COL24A1: variants seen among roughly 807,000 people sequenced by gnomAD.
The protein encoded by COL24A1 is collagen alpha-1(XXIV) chain.
COL24A1 carries 224 observed loss-of-function variants against 253.9 expected under a neutral mutation model. The observed-to-expected ratio is 0.88, with a 90% CI of 0.79 to 0.99. The LOEUF is 0.99. COL24A1 is among the 50% of genes least tolerant of loss of function. The pLI, the probability that COL24A1 is intolerant of heterozygous loss-of-function variation, is 0.00. For synonymous variants in COL24A1, 685 were observed against 673.7 expected (o/e 1.02, Z -0.26); for missense variants, 2,131 against 2,068.5 (o/e 1.03, Z -0.59).
At chr1:85,805,179 C>T (rs1436038364) in intron 47 of COL24A1, among the ~76,000 whole-genome samples, 1 of 152,064 alleles carries the variant, frequency 6.6e-6, no homozygotes, top group Non-Finnish European at 1.5e-5. Flanking sequence ...AGATGTATTC[C>T]CTGTAACATC....
At chr1:85,855,801 A>C (rs1678371809) in intron 37 of COL24A1, among the ~76,000 whole-genome samples, 1 of 152,184 alleles carries the variant, frequency 6.6e-6, no homozygotes, top group South Asian at 2.1e-4. Flanking sequence ...GCTCTGGTAG[A>C]TTATGGCTGT....
At chr1:86,015,445 G>A (rs146429447) in intron 19 of COL24A1, among the ~76,000 whole-genome samples, 20 of 152,246 alleles carry the variant, frequency 1.3e-4, no homozygotes, top group Middle Eastern at 6.8e-3. Flanking sequence ...ATCTTTAGAA[G>A]ACCAAGTAGT....
chr1:85,841,497 A>T (rs994390031), intron 41 of COL24A1, among the ~76,000 whole-genome samples: 2 of 152,230 alleles, frequency 1.3e-5, no homozygotes, highest in African/African-American at 4.8e-5. Context: ...TTAATTATAT[A>T]AGAAGCAGCT....
At chr1:86,083,788 C>T (rs1173601343) in intron 7 of COL24A1, among the ~76,000 whole-genome samples, 2 of 152,124 alleles carry the variant, frequency 1.3e-5, no homozygotes, top group South Asian at 2.1e-4. Context: ...TTAAGAGCAA[C>T]ATTTTCATTC....
At chr1:86,100,361 T>C (rs1704341424) in intron 5 of COL24A1, among the ~76,000 whole-genome samples, 1 of 152,220 alleles carries the variant, frequency 6.6e-6, no homozygotes, top group African/African-American at 2.4e-5. Flanking sequence ...ACTATTTTGT[T>C]ATCCTGAAGT....
intron 1 of COL24A1, 31 bp downstream of exon 1, chr1:86,156,310 C>T: frequency 1.2e-6 from 2 of 1,605,236 alleles, no homozygotes; most frequent in East Asian, 2.3e-5. Context: ...TTGGTCTAAC[C>T]CCTACCCTAC....
chr1:85,945,001 TG>T (rs772009713), intron 24 of COL24A1, among the ~76,000 whole-genome samples: 778 of 55,994 alleles, frequency 0.014, 30 homozygotes, highest in Non-Finnish European at 0.016. Flanking sequence ...TCTATCATTG[TG>T]TTTTTTTTTT....
intron 7 of COL24A1, among the ~76,000 whole-genome samples, chr1:86,072,674 C>T (rs1252371635): frequency 5.3e-5 from 8 of 152,144 alleles, no homozygotes; most frequent in Non-Finnish European, 1.0e-4. Flanking sequence ...CCCTGACCCC[C>T]GTGCCTCGTG....
chr1:85,743,896 G>A (rs143514484), intron 57 of COL24A1, among the ~76,000 whole-genome samples: 12 of 152,200 alleles, frequency 7.9e-5, no homozygotes, highest in South Asian at 4.1e-4. Flanking sequence ...GTGTATGTGC[G>A]TGTTTGTGTG....
intron 5 of COL24A1, among the ~76,000 whole-genome samples, chr1:86,095,658 A>G (rs1209148801): frequency 6.6e-6 from 1 of 152,050 alleles, no homozygotes; most frequent in Non-Finnish European, 1.5e-5. Context: ...AGTTTTTCAA[A>G]TCCCCTTTGG....
chr1:85,950,484 T>TGAATTTTA, intron 24 of COL24A1, among the ~76,000 whole-genome samples: 1 of 152,178 alleles, frequency 6.6e-6, no homozygotes, highest in Admixed American at 6.5e-5. Context: ...GGGGGTGAAT[T>TGAATTTTA]GAATTTTAGA....
chr1:86,097,556 C>CT (rs1557610195), intron 5 of COL24A1, among the ~76,000 whole-genome samples: 7 of 7,206 alleles, frequency 9.7e-4, no homozygotes, highest in Non-Finnish European at 2.0e-3. Context: ...CCCTCCTCCT[C>CT]CCTTCTCCTC....
At chr1:85,813,532 C>CTTTTTTTTTTTTTTT (rs765607746) in intron 47 of COL24A1, among the ~76,000 whole-genome samples, 1 of 76,244 alleles carries the variant, frequency 1.3e-5, no homozygotes, top group South Asian at 4.9e-4. Context: ...TCATTCAGGT[C>CTTTTTTTTTTTTTTT]TTTTTTTTTT....
At chr1:86,067,853 T>G (rs1701603632) in intron 7 of COL24A1, among the ~76,000 whole-genome samples, 1 of 152,206 alleles carries the variant, frequency 6.6e-6, no homozygotes, top group Non-Finnish European at 1.5e-5. Context: ...AAACTAGTAT[T>G]TGAGTCATTA....
chr1:86,143,747 A>G (rs1651482823), intron 2 of COL24A1, among the ~76,000 whole-genome samples: 1 of 152,062 alleles, frequency 6.6e-6, no homozygotes, highest in Admixed American at 6.5e-5. Context: ...GCTTTTTGCT[A>G]TATGTTTTGT....
chr1:85,768,593 GA>G lies in COL24A1; in HGVS notation c.4375-7028del, dbSNP rs201399769. Among the ~76,000 whole-genome samples the G allele has an allele frequency of 3.5e-4, 49 of 141,782 alleles. 1 individual carries two copies. The highest frequency in any genetic ancestry group is 8.4e-4 in the African/African-American group (33 of 39,512). The allele number at this position is 141,782 out of a possible 152,430, so 93.0% of individuals were successfully genotyped here. A position where few individuals can be genotyped will look rare whatever the true frequency, so the allele number is the denominator to read the frequency against. On this transcript the variant is annotated intron_variant, in intron 53 of 59. Coordinates refer to ENST00000370571, the MANE Select transcript of COL24A1 (RefSeq NM_152890.7). The stretch of plus-strand genomic sequence containing the variant: ...CTTTGTTAGTTCTTTTGTGCGGGGG[GA>G]GGGCTTATTTCTTTTTCTTTTATGT...
chr1:85,758,506 C>G (rs1327492103), intron 55 of COL24A1, among the ~76,000 whole-genome samples: 1 of 152,120 alleles, frequency 6.6e-6, no homozygotes, highest in African/African-American at 2.4e-5. Flanking sequence ...TTTCTAAATA[C>G]CTTACCATAC....
At chr1:86,111,470 AG>A (rs2102150136) in intron 5 of COL24A1, among the ~76,000 whole-genome samples, 1 of 152,308 alleles carries the variant, frequency 6.6e-6, no homozygotes, top group East Asian at 1.9e-4. Context: ...TGCACCAATC[AG>A]CACTCTGTGT....
At chr1:85,842,422 G>C (rs776465916) in intron 39 of COL24A1, 29 bp from the exon 40 acceptor site, 2 of 1,433,212 alleles carry the variant, frequency 1.4e-6, no homozygotes, top group East Asian at 4.6e-5. Flanking sequence ...ATTAGTGAGA[G>C]AGAGAAAGTA....
Sources: gnomAD v4.1 joint callset for allele counts (sites outside exome capture counted in the v4.1 genomes callset) on GRCh38, gnomAD v4.1.1 for gene constraint, MANE v1.5 for transcripts, NCBI Gene and HGNC (gene_info 2026-07-23, HGNC 2026-07-21) for gene names.